PHEX: variants seen among roughly 807,000 people sequenced by gnomAD.
PHEX encodes phosphate-regulating neutral endopeptidase PHEX.
A neutral mutation model predicts 68.0 loss-of-function variants in PHEX; 16 were observed. The observed-to-expected ratio is 0.24, with a 90% CI of 0.16 to 0.36. The LOEUF (loss-of-function observed/expected upper bound fraction) is 0.36, where lower values mean the gene tolerates loss of function less well. Ranked by LOEUF, PHEX falls within the 10% of genes least tolerant of loss-of-function variation. The pLI, the probability that PHEX is intolerant of heterozygous loss-of-function variation, is 1.00. For synonymous variants in PHEX, 208 were observed against 205.1 expected, an observed-to-expected ratio of 1.01 and a Z score of -0.12; for missense variants, 480 against 575.5, an observed-to-expected ratio of 0.83 and a Z score of 1.70.
At position 22,249,779 on chromosome X, in the gene PHEX, A is replaced by G. The variant is rs1936520154; in HGVS notation, c.*1826A>G. On this transcript the variant is annotated 3_prime_UTR_variant, in exon 22 of 22. Coordinates refer to ENST00000379374, the MANE Select transcript of PHEX (RefSeq NM_000444.6). ...GAGGAAGCATTCTGACTTGGTTTAG[A>G]CATATAAGATACTCTGTTTTATTCC... is the stretch of plus-strand genomic sequence containing the variant. 9.1e-6 allele frequency: 1 copy of G among 110,036 alleles called. No individual in the cohort carries two copies. The highest frequency in any genetic ancestry group is 1.9e-5 in the Non-Finnish European group (1 of 52,875). The allele number at this position is 110,036 out of a possible 1,213,427, so 9.1% of individuals were successfully genotyped here. A position where few individuals can be genotyped will look rare whatever the true frequency, so the allele number is the denominator to read the frequency against.
In PHEX at chrX:22,072,485, A is replaced by T. The variant is rs191284015; in HGVS notation, c.350-3903A>T. Among the ~76,000 whole-genome samples the T allele has an allele frequency of 1.1e-3, 127 of 112,196 alleles. 1 individual carries two copies. The highest frequency in any genetic ancestry group is 3.9e-3 in the African/African-American group (122 of 30,964). On this transcript the variant is annotated intron_variant, in intron 3 of 21. Transcript: ENST00000379374. ...GATAGGCAGAGATTTCTTGAACGGGACACTAAATATGGTAACCATGGAGGA... is the reference window on the plus strand; with the variant it reads ...GATAGGCAGAGATTTCTTGAACGGGTCACTAAATATGGTAACCATGGAGGA...
At position 22,219,112 on chromosome X, in the gene PHEX, C is replaced by T. The variant is rs770894201; in HGVS notation, c.1768+9C>T. 13 of 1,101,939 alleles carry T rather than the reference C, an allele frequency of 1.2e-5. No individual in the cohort carries two copies. The highest frequency in any genetic ancestry group is 8.7e-5 in the Admixed American group (4 of 45,732). The allele number at this position is 1,101,939 out of a possible 1,213,427, so 90.8% of individuals were successfully genotyped here. Reference sequence around the variant, plus strand: ...TGGATTTGATAATAATGGTAAGTACCGGTTCATTTTATAAGCTGCTGCTTT... The same window carrying T: ...TGGATTTGATAATAATGGTAAGTACTGGTTCATTTTATAAGCTGCTGCTTT... On this transcript the variant is annotated intron_variant, in intron 17 of 21. Transcript: ENST00000379374.
intron 3 of PHEX, among the ~76,000 whole-genome samples, chrX:22,059,111 T>C (rs1928250145): frequency 8.9e-6 from 1 of 111,769 alleles, no homozygotes; most frequent in Non-Finnish European, 1.9e-5. Context: ...AGCCCTCATT[T>C]CCCTTTGTTC....
intron 4 of PHEX, among the ~76,000 whole-genome samples, chrX:22,076,842 A>G (rs1294863750): frequency 9.0e-6 from 1 of 111,593 alleles, no homozygotes; most frequent in Non-Finnish European, 1.9e-5. Flanking sequence ...AGCCTAGAGA[A>G]ATCCAGATTC....
At chrX:22,038,076 A>G (rs898259002) in intron 1 of PHEX, among the ~76,000 whole-genome samples, 1 of 110,636 alleles carries the variant, frequency 9.0e-6, no homozygotes, top group African/African-American at 3.3e-5. Flanking sequence ...TATCGGAATC[A>G]CCTGGGGGGC....
Position 22,249,455 on chromosome X carries a change from A to AAATATATATATATAT in PHEX, c.*1503_*1504insATATATATATATATA. 76 of 39,714 alleles carry AAATATATATATATAT rather than the reference A, an allele frequency of 1.9e-3. 1 individual carries two copies. Among genetic ancestry groups the AAATATATATATATAT allele is most frequent in the African/African-American group, 2.3e-3 (14 of 6,011 alleles). The allele number at this position is 39,714 out of a possible 1,213,427, so 3.3% of individuals were successfully genotyped here. A position where few individuals can be genotyped will look rare whatever the true frequency, so the allele number is the denominator to read the frequency against. Reference sequence around the variant, plus strand: ...TTGTGATTCTTTTAAAAAAAAAAAAAATATATATATATATATATATATATA... The same window carrying AAATATATATATATAT: ...TTGTGATTCTTTTAAAAAAAAAAAAAAATATATATATATATATATATATATATATATATATATATA... On this transcript the variant is annotated 3_prime_UTR_variant, in exon 22 of 22. Coordinates refer to ENST00000379374, the MANE Select transcript of PHEX (RefSeq NM_000444.6).
intron 14 of PHEX, among the ~76,000 whole-genome samples, chrX:22,189,955 G>C (rs970333811): frequency 3.6e-5 from 4 of 112,141 alleles, no homozygotes; most frequent in African/African-American, 1.3e-4. Context: ...CCCTCTGGGT[G>C]GCATAGTTGG....
intron 15 of PHEX, among the ~76,000 whole-genome samples, chrX:22,191,150 G>T (rs1262190237): frequency 9.0e-6 from 1 of 111,355 alleles, no homozygotes; most frequent in Non-Finnish European, 1.9e-5. Flanking sequence ...CTCCTGAGTA[G>T]CTAGGAGTAC....
chrX:22,242,181 C>T (rs906979363), intron 20 of PHEX, among the ~76,000 whole-genome samples: 4 of 111,804 alleles, frequency 3.6e-5, no homozygotes, highest in Non-Finnish European at 5.6e-5. Context: ...AAAAACCACA[C>T]GATTATTTCA....
intron 5 of PHEX, among the ~76,000 whole-genome samples, chrX:22,082,150 C>G (rs55676722): frequency 0.08 from 8,917 of 111,685 alleles, 562 homozygotes; most frequent in African/African-American, 0.21. Flanking sequence ...TGATACGTAA[C>G]TACACATTTT....
chrX:22,187,147 G>C (rs1934057117), intron 14 of PHEX, among the ~76,000 whole-genome samples: 1 of 111,818 alleles, frequency 8.9e-6, no homozygotes, highest in Admixed American at 9.5e-5. Flanking sequence ...CAGAAGTCTA[G>C]GGTAGCTTGG....
chrX:22,126,243 G>A (rs1004336531), intron 11 of PHEX, among the ~76,000 whole-genome samples: 3 of 112,100 alleles, frequency 2.7e-5, no homozygotes, highest in African/African-American at 9.7e-5. Flanking sequence ...TTGTTAGGGA[G>A]ACCAAATAAA....
chrX:22,089,662 C>T (rs897407591), intron 5 of PHEX, among the ~76,000 whole-genome samples: 1 of 110,514 alleles, frequency 9.0e-6, no homozygotes, highest in Non-Finnish European at 1.9e-5. Flanking sequence ...CTCAAGTGAC[C>T]CACCCACCTT....
In PHEX at chrX:22,199,124, G is replaced by A. The variant is rs746282506; in HGVS notation, c.1645+8622G>A. ...GGGAATTATGGGAGCTACAATTCAAGATGAGCTTTGGGTGGGAACACAGCC... is the reference window on the plus strand; with the variant it reads ...GGGAATTATGGGAGCTACAATTCAAAATGAGCTTTGGGTGGGAACACAGCC... On this transcript the variant is annotated intron_variant, in intron 15 of 21. Coordinates refer to ENST00000379374, the MANE Select transcript of PHEX (RefSeq NM_000444.6). Among the ~76,000 whole-genome samples, 5 of 111,390 alleles carry A rather than the reference G, an allele frequency of 4.5e-5. No homozygotes were observed. The East Asian group carries it at 1.4e-3, about 31-fold the overall frequency.
At chrX:22,141,875 T>A (rs1478401549) in intron 12 of PHEX, among the ~76,000 whole-genome samples, 1 of 112,615 alleles carries the variant, frequency 8.9e-6, no homozygotes, top group Non-Finnish European at 1.9e-5. Flanking sequence ...TGAACAATGA[T>A]GTTTATAAAA....
intron 15 of PHEX, among the ~76,000 whole-genome samples, chrX:22,191,840 G>C (rs1431770610): frequency 2.7e-5 from 3 of 112,113 alleles, no homozygotes; most frequent in African/African-American, 9.7e-5. Context: ...GTCACATGTG[G>C]CATATTCACA....
At chrX:22,230,853 G>T (rs1236414407) in intron 20 of PHEX, among the ~76,000 whole-genome samples, 1 of 111,778 alleles carries the variant, frequency 8.9e-6, no homozygotes, top group Non-Finnish European at 1.9e-5. Flanking sequence ...CTTGTCTGGT[G>T]CTGGTTTCCA....
chrX:22,039,911 C>T (rs1034491589), intron 2 of PHEX, among the ~76,000 whole-genome samples: 15 of 102,985 alleles, frequency 1.5e-4, no homozygotes, highest in African/African-American at 4.3e-4. Flanking sequence ...ACTCCAGCCT[C>T]GGTGACAGAG....
At chrX:22,055,924 T>C (rs1387063062) in intron 3 of PHEX, among the ~76,000 whole-genome samples, 5 of 111,871 alleles carry the variant, frequency 4.5e-5, no homozygotes, top group Non-Finnish European at 9.4e-5. Flanking sequence ...TTTTGACTCT[T>C]GTCTGCTCTA....
Sources: allele counts gnomAD v4.1 joint callset (sites outside exome capture counted in the v4.1 genomes callset), GRCh38; gene constraint gnomAD v4.1.1; transcripts MANE v1.5; gene names NCBI Gene and HGNC (gene_info 2026-07-23, HGNC 2026-07-21).